Variants in THRB observed in about 807,000 individuals in gnomAD.
THRB encodes the protein nuclear receptor subfamily 1 group A member 2.
In THRB, 12 loss-of-function variants were observed where a neutral mutation model predicts 47.8. The ratio of observed to expected loss-of-function variants is 0.25; its 90% CI spans 0.16 to 0.41. THRB has a LOEUF of 0.41. Ranked by LOEUF, THRB falls within the 10% of genes least tolerant of loss-of-function variation. The pLI, the probability that THRB is intolerant of heterozygous loss-of-function variation, is 1.00. For missense variants in THRB, 348 were observed against 589.2 expected, an observed-to-expected ratio of 0.59 and a Z score of 4.24; for synonymous variants, 218 against 212.2, an observed-to-expected ratio of 1.03 and a Z score of -0.24.
At chr3:24,394,409 C>G (rs1324102988) in intron 1 of THRB, among the ~76,000 whole-genome samples, 1 of 152,106 alleles carries the variant, frequency 6.6e-6, no homozygotes, top group Non-Finnish European at 1.5e-5. Flanking sequence ...GGCTCTCCAT[C>G]TGGTGGCCTG....
intron 3 of THRB, among the ~76,000 whole-genome samples, chr3:24,263,998 T>C (rs1250529715): frequency 6.6e-6 from 1 of 152,150 alleles, no homozygotes; most frequent in Admixed American, 6.5e-5. Flanking sequence ...CAGAACATAT[T>C]TATGTCTTAC....
In THRB at chr3:24,465,296, G is replaced by A. The variant is rs535571349; in HGVS notation, c.-261+29356C>T. Reference sequence around the variant, plus strand: ...TATTGTTGCTAATGAAAAGTTAGCTGGCTATTTAATTGATTTCTTTGCAAG... The same window carrying A: ...TATTGTTGCTAATGAAAAGTTAGCTAGCTATTTAATTGATTTCTTTGCAAG... On this transcript the variant is annotated intron_variant, in intron 1 of 10. Coordinates refer to ENST00000646209, the MANE Select transcript of THRB (RefSeq NM_001354712.2). Among the ~76,000 whole-genome samples the A allele has an allele frequency of 1.2e-4, 19 of 152,220 alleles. No individual in the cohort carries two copies. The South Asian group carries it at 2.9e-3, about 23-fold the overall frequency.
At chr3:24,274,261 G>T (rs944764399) in intron 3 of THRB, among the ~76,000 whole-genome samples, 2 of 152,054 alleles carry the variant, frequency 1.3e-5, no homozygotes, top group Non-Finnish European at 2.9e-5. Context: ...GCATCTGATG[G>T]CACTTACACA....
At chr3:24,403,466 C>T (rs1191456354) in intron 1 of THRB, among the ~76,000 whole-genome samples, 3 of 151,908 alleles carry the variant, frequency 2.0e-5, no homozygotes, top group Non-Finnish European at 4.4e-5. Flanking sequence ...CTCCAAGCCT[C>T]TTGTAGGATA....
chr3:24,432,463 C>T (rs2070531241), intron 1 of THRB, among the ~76,000 whole-genome samples: 1 of 152,086 alleles, frequency 6.6e-6, no homozygotes, highest in African/African-American at 2.4e-5. Context: ...GAGAGGGGAA[C>T]CTCTCACCAT....
At chr3:24,438,081 G>A (rs1459694475) in intron 1 of THRB, among the ~76,000 whole-genome samples, 1 of 31,736 alleles carries the variant, frequency 3.2e-5, no homozygotes, top group Non-Finnish European at 1.4e-4. Context: ...GGTGGGGCAG[G>A]CACAATTTTT....
intron 1 of THRB, among the ~76,000 whole-genome samples, chr3:24,340,036 A>G (rs1484869674): frequency 6.6e-6 from 1 of 152,238 alleles, no homozygotes; most frequent in African/African-American, 2.4e-5. Context: ...TTGTTAAGCC[A>G]TCTGACCTGA....
chr3:24,351,274 C>T (rs1196115008), intron 1 of THRB, among the ~76,000 whole-genome samples: 1 of 152,002 alleles, frequency 6.6e-6, no homozygotes, highest in Non-Finnish European at 1.5e-5. Flanking sequence ...TGACCTAATG[C>T]ACAAACACAC....
chr3:24,286,240 A>G (rs548970380), intron 3 of THRB, among the ~76,000 whole-genome samples: 5 of 152,342 alleles, frequency 3.3e-5, no homozygotes, highest in East Asian at 1.9e-4. Context: ...AGCCTGAACT[A>G]TGACATACCT....
intron 2 of THRB, among the ~76,000 whole-genome samples, chr3:24,333,622 G>T (rs1191503933): frequency 6.6e-6 from 1 of 152,224 alleles, no homozygotes; most frequent in African/African-American, 2.4e-5. Flanking sequence ...CAGGAAATTT[G>T]TGTGCATGTG....
intron 4 of THRB, among the ~76,000 whole-genome samples, chr3:24,210,475 A>C (rs1439697584): frequency 6.6e-6 from 1 of 151,978 alleles, no homozygotes; most frequent in African/African-American, 2.4e-5. Context: ...GGTGGTCACA[A>C]CTTGGAGTGT....
intron 1 of THRB, among the ~76,000 whole-genome samples, chr3:24,479,015 G>A (rs990436879): frequency 2.0e-5 from 3 of 152,138 alleles, no homozygotes; most frequent in Non-Finnish European, 4.4e-5. Context: ...ATCCTATAAT[G>A]CGGCCGGGCG....
chr3:24,188,758 G>GCACACA (rs10565889), intron 5 of THRB, among the ~76,000 whole-genome samples: 13,629 of 149,150 alleles, frequency 0.091, 1,278 homozygotes, highest in African/African-American at 0.23. Flanking sequence ...GCACACACGT[G>GCACACA]CACACACACA....
intron 2 of THRB, among the ~76,000 whole-genome samples, chr3:24,336,440 A>AT (rs1463291431): frequency 1.3e-5 from 2 of 151,936 alleles, no homozygotes. Context: ...CCAAAAAGCC[A>AT]TTTTTCCATA....
At chr3:24,165,358 G>A (rs376283249) in intron 5 of THRB, 1 of 756,484 alleles carries the variant, frequency 1.3e-6, no homozygotes, top group Non-Finnish European at 2.4e-6. Context: ...AGTTCATTTT[G>A]TTTCCCTGGT....
rs73148362 is a variant in THRB at position 24,296,641 on chromosome 3, G to A, written c.-43+585C>T. On this transcript the variant is annotated intron_variant, in intron 3 of 10. Transcript: ENST00000646209. ...GTACAGGAACAAAAGTGCTGTAAGA[G>A]TACAGAGAACAGAGCAAGCCCTGTC... is the stretch of plus-strand genomic sequence containing the variant. Among the ~76,000 whole-genome samples the A allele has an allele frequency of 9.1e-3, 1,382 of 152,318 alleles. 21 individuals are homozygous for A. Among genetic ancestry groups the A allele is most frequent in the African/African-American group, 0.031 (1,309 of 41,572 alleles).
chr3:24,424,268 A>T (rs958421115), intron 1 of THRB, among the ~76,000 whole-genome samples: 1 of 151,908 alleles, frequency 6.6e-6, no homozygotes, highest in Non-Finnish European at 1.5e-5. Context: ...TTTTAAAAAA[A>T]TACTCCATAG....
intron 1 of THRB, among the ~76,000 whole-genome samples, chr3:24,450,762 G>T (rs931927830): frequency 6.6e-5 from 10 of 152,154 alleles, no homozygotes; most frequent in African/African-American, 2.2e-4. Flanking sequence ...AGATTAAGGT[G>T]CATACAGTCA....
intron 4 of THRB, among the ~76,000 whole-genome samples, chr3:24,217,343 T>C (rs914779323): frequency 5.3e-5 from 8 of 152,058 alleles, no homozygotes; most frequent in Admixed American, 3.9e-4. Context: ...GAAAAAGATA[T>C]AGAAATTTTT....
Sources: gnomAD v4.1 joint callset for allele counts (sites outside exome capture counted in the v4.1 genomes callset) on GRCh38, gnomAD v4.1.1 for gene constraint, MANE v1.5 for transcripts, NCBI Gene and HGNC (gene_info 2026-07-23, HGNC 2026-07-21) for gene names.